RHAG: variants seen among roughly 807,000 people sequenced by gnomAD.
The protein encoded by RHAG is ammonium transporter Rh type A.
Under a neutral mutation model 42.4 loss-of-function variants are expected in RHAG, and 25 were observed. That is an observed-to-expected ratio of 0.59 (90% CI 0.43 to 0.82). The LOEUF (loss-of-function observed/expected upper bound fraction) is 0.82, where lower values mean the gene tolerates loss of function less well. Ranked by LOEUF, RHAG falls within the 40% of genes least tolerant of loss-of-function variation. RHAG has a pLI of 0.00. For missense variants in RHAG, 483 were observed against 504.6 expected, an observed-to-expected ratio of 0.96 and a Z score of 0.41; for synonymous variants, 182 against 177.7, an observed-to-expected ratio of 1.02 and a Z score of -0.19.
At chr6:49,607,078 T>TCAAAATTA in intron 8 of RHAG, 72 bp downstream of exon 8, 3 of 1,382,038 alleles carry the variant, frequency 2.2e-6, no homozygotes, top group Non-Finnish European at 3.1e-6. Context: ...GCAATTGACT[T>TCAAAATTA]GCTCATTAAT....
chr6:49,607,339 G>A (rs1009958121), intron 7 of RHAG, 119 bp from the exon 8 acceptor site: 5 of 750,032 alleles, frequency 6.7e-6, no homozygotes, highest in Middle Eastern at 2.3e-4. Flanking sequence ...TTACACAGCA[G>A]CAAATTAAGC....
At chr6:49,609,840 C>A (rs1224581366) in intron 7 of RHAG, among the ~76,000 whole-genome samples, 3 of 152,172 alleles carry the variant, frequency 2.0e-5, no homozygotes, top group Non-Finnish European at 4.4e-5. Context: ...TTTCCCTCTT[C>A]TTCATGCTTT....
chr6:49,629,644 G>T (rs556233303), intron 1 of RHAG, among the ~76,000 whole-genome samples: 5 of 152,142 alleles, frequency 3.3e-5, no homozygotes, highest in Non-Finnish European at 7.3e-5. Flanking sequence ...GCCCATGGAG[G>T]GGGTGGGGGG....
rs752550246 is a variant in RHAG, at chr6:49,615,786, A to T, written c.493-15T>A. The T allele has an allele frequency of 1.2e-6, 2 of 1,613,578 alleles. No individual in the cohort carries two copies. ...ATGTCAGAGGCCTGAGGGACAAAAT[A>T]GCATTCACATAAATAGAGGTGAACC... On this transcript the variant is annotated splice_polypyrimidine_tract_variant and intron_variant, in intron 3 of 9. Coordinates refer to ENST00000371175, the MANE Select transcript of RHAG (RefSeq NM_000324.3).
At chr6:49,612,702 A>G (rs183206812) in intron 5 of RHAG, among the ~76,000 whole-genome samples, 168 bp from the exon 6 acceptor site, 1 of 152,334 alleles carries the variant, frequency 6.6e-6, no homozygotes, top group East Asian at 1.9e-4. Context: ...CCTTTCTTTC[A>G]AGAAGTTGAC....
At chr6:49,614,222 C>T (rs889555124) in intron 5 of RHAG, among the ~76,000 whole-genome samples, 1 of 148,598 alleles carries the variant, frequency 6.7e-6, no homozygotes, top group Admixed American at 6.8e-5. Flanking sequence ...GATGGAGTTT[C>T]GCTCTTGTTG....
chr6:49,628,785 C>T (rs954994239), intron 1 of RHAG, among the ~76,000 whole-genome samples: 5 of 151,766 alleles, frequency 3.3e-5, no homozygotes, highest in African/African-American at 1.2e-4. Flanking sequence ...CTCGTGGTCT[C>T]GCTGGCTTCA....
chr6:49,606,995 A>C (rs891118203), intron 8 of RHAG, 74 bp from the exon 9 acceptor site: 4 of 1,222,872 alleles, frequency 3.3e-6, no homozygotes, highest in Admixed American at 1.7e-5. Flanking sequence ...TAGCTTATAT[A>C]CTATTATAAA....
intron 2 of RHAG, among the ~76,000 whole-genome samples, chr6:49,618,959 G>T (rs1762703956): frequency 6.6e-6 from 1 of 152,142 alleles, no homozygotes; most frequent in Admixed American, 6.5e-5. Context: ...CTGGTTGGTA[G>T]ATGGTGCCTT....
intron 1 of RHAG, among the ~76,000 whole-genome samples, chr6:49,625,899 G>A (rs1762835143): frequency 1.3e-5 from 2 of 152,158 alleles, no homozygotes; most frequent in Admixed American, 1.3e-4. Context: ...CATGGCGGCA[G>A]GCAAGAGAGC....
intron 6 of RHAG, 68 bp downstream of exon 6, chr6:49,612,329 T>C: frequency 6.5e-7 from 1 of 1,538,948 alleles, no homozygotes; most frequent in Non-Finnish European, 9.0e-7. Context: ...GCTTTTTTTC[T>C]GCTGGTGGGA....
In RHAG at chr6:49,605,738, G is replaced by T. The variant is rs756046462; in HGVS notation, c.*75C>A. On this transcript the variant is annotated 3_prime_UTR_variant, in exon 10 of 10. Coordinates refer to ENST00000371175, the MANE Select transcript of RHAG (RefSeq NM_000324.3). ...ATTCTGGATAATGGGAAAGGAAGCT[G>T]GAGAGCAGGAATGGTGTTTAGACTT... The T allele has an allele frequency of 4.6e-6, 6 of 1,302,014 alleles. No homozygotes were observed. The highest frequency in any genetic ancestry group is 1.5e-5 in the African/African-American group (1 of 68,680). 80.7% of individuals were successfully genotyped at this position (1,302,014 alleles called of 1,614,324 possible).
intron 1 of RHAG, among the ~76,000 whole-genome samples, chr6:49,621,531 G>C (rs1487958399): frequency 6.6e-6 from 1 of 151,924 alleles, no homozygotes; most frequent in Non-Finnish European, 1.5e-5. Context: ...ACCTACCCAG[G>C]GTACCCTAGA....
intron 7 of RHAG, among the ~76,000 whole-genome samples, chr6:49,608,790 G>T (rs558880134): frequency 6.6e-6 from 1 of 151,734 alleles, no homozygotes; most frequent in Non-Finnish European, 1.5e-5. Context: ...ATGCTTTATC[G>T]CTTTGATAAG....
chr6:49,624,974 T>C (rs1562017992), intron 1 of RHAG, among the ~76,000 whole-genome samples: 1 of 152,238 alleles, frequency 6.6e-6, no homozygotes, highest in Non-Finnish European at 1.5e-5. Flanking sequence ...TATGTGTTTG[T>C]CTGTATATAT....
At chr6:49,636,343 C>G (rs550448696) in intron 1 of RHAG, among the ~76,000 whole-genome samples, 1 of 152,114 alleles carries the variant, frequency 6.6e-6, no homozygotes, top group South Asian at 2.1e-4. Flanking sequence ...AAGCGTGATA[C>G]TTTTCTTTGC....
At chr6:49,622,294 G>A (rs1762770779) in intron 1 of RHAG, among the ~76,000 whole-genome samples, 1 of 148,704 alleles carries the variant, frequency 6.7e-6, no homozygotes, top group South Asian at 2.1e-4. Context: ...TTGGCTCACT[G>A]CAAGCTCCAC....
rs115149870 is a variant in RHAG at position 49,615,853 on chromosome 6, T to C, written c.493-82A>G. On this transcript the variant is annotated intron_variant, in intron 3 of 9. Transcript: ENST00000371175. The stretch of plus-strand genomic sequence containing the variant: ...GAGGAAAGTCAATGAAAGAATTGCA[T>C]TGTTGGTTAAACAACTTAAAAAAAT... 8.1e-4 allele frequency: 1,154 copies of C among 1,416,074 alleles called. 12 individuals carry two copies. In the African/African-American group the frequency reaches 0.014, roughly 17 times the overall value. 87.7% of individuals were successfully genotyped at this position (1,416,074 alleles called of 1,614,324 possible).
chr6:49,634,923 T>C (rs1014503658), intron 1 of RHAG, among the ~76,000 whole-genome samples: 2 of 147,554 alleles, frequency 1.4e-5, no homozygotes, highest in African/African-American at 5.0e-5. Flanking sequence ...ACACATTCAT[T>C]ACCTCTACAT....
Sources: gnomAD v4.1 joint callset for allele counts (sites outside exome capture counted in the v4.1 genomes callset) on GRCh38, gnomAD v4.1.1 for gene constraint, MANE v1.5 for transcripts, NCBI Gene and HGNC (gene_info 2026-07-23, HGNC 2026-07-21) for gene names.